Variants in TWF2 observed in about 807,000 individuals in gnomAD.
The protein encoded by TWF2 is twinfilin-2.
In TWF2, 15 loss-of-function variants were observed where a neutral mutation model predicts 45.1. The observed-to-expected ratio is 0.33, with a 90% CI of 0.22 to 0.51. The LOEUF (loss-of-function observed/expected upper bound fraction) is 0.51, where lower values mean the gene tolerates loss of function less well. Ranked by LOEUF, TWF2 falls within the 20% of genes least tolerant of loss-of-function variation. TWF2 has a pLI of 0.97. For missense variants in TWF2, 423 were observed against 469.1 expected, an observed-to-expected ratio of 0.90 and a Z score of 0.91; for synonymous variants, 177 against 195.8, an observed-to-expected ratio of 0.90 and a Z score of 0.80.
intron 6 of TWF2, among the ~76,000 whole-genome samples, chr3:52,230,468 C>T (rs1699667684): frequency 6.6e-6 from 1 of 152,176 alleles, no homozygotes. Flanking sequence ...GCCGGAACAG[C>T]CAGGGCAGAA....
At chr3:52,237,816 A>AGTGGCCACAACCGCACCAGGATTC (rs1699741514) in intron 1 of TWF2, among the ~76,000 whole-genome samples, 2 of 152,226 alleles carry the variant, frequency 1.3e-5, no homozygotes, top group African/African-American at 4.8e-5. Context: ...CCAGCCACCA[A>AGTGGCCACAACCGCACCAGGATTC]GTGGCCACAA....
chr3:52,235,611 CAG>C (rs1256479295), intron 1 of TWF2, among the ~76,000 whole-genome samples: 1 of 152,180 alleles, frequency 6.6e-6, no homozygotes, highest in Non-Finnish European at 1.5e-5. Flanking sequence ...GCATGTGTGA[CAG>C]AGGAGCAGAA....
intron 1 of TWF2, 106 bp from the exon 2 acceptor site, chr3:52,235,212 G>A (rs73088767): frequency 0.064 from 70,158 of 1,102,830 alleles, 2,476 homozygotes; most frequent in Middle Eastern, 0.1. Flanking sequence ...TGGGAACCAG[G>A]TTAAATACAG....
rs748202514 is a variant in TWF2, at chr3:52,238,982, C to T, written c.25+10G>A. 1.3e-6 allele frequency: 2 copies of T among 1,594,170 alleles called. No homozygotes were observed. Among genetic ancestry groups the T allele is most frequent in the East Asian group, 2.2e-5 (1 of 44,716 alleles). On this transcript the variant is annotated intron_variant, in intron 1 of 8. Transcript: ENST00000305533. ...CCGAGGCCCCCTGCCCGCCCGCCAT[C>T]CGCCCTCACCGTGGATGCCCGTTTG...
chr3:52,233,161 T>C (rs1699694978), intron 2 of TWF2, among the ~76,000 whole-genome samples: 1 of 152,250 alleles, frequency 6.6e-6, no homozygotes. Flanking sequence ...AGCCTGGGTA[T>C]ACACAGGTCT....
In TWF2 at chr3:52,229,701, T is replaced by C; in HGVS notation, c.842A>G (p.Asp281Gly). 1 of 1,613,222 alleles carries C rather than the reference T, an allele frequency of 6.2e-7. No homozygotes were observed. ...CAGATGGAAGTCCTGCTCCACGGAG[T>C]CGAGGAGGCGGCTCTTGCAGCTGGA... The part of the protein sequence containing the change: ...LYSSCKSRLL[D>G]SVEQDFHLEI... Residue 281 changes from aspartate (D) to glycine (G), a missense_variant, in exon 8 of 9, where the codon GAC becomes GGC. By Grantham distance (94) the Asp-to-Gly change is moderately conservative (BLOSUM62 -1). Coordinates refer to ENST00000305533, the MANE Select transcript of TWF2 (RefSeq NM_007284.4).
rs1157492396 is a variant in TWF2, at chr3:52,237,829, G to A, written c.25+1163C>T. ...GCCCAGCCACCAAGTGGCCACAACC[G>A]CACCAGGATTCAGGTGGTCAGGCAG... is the stretch of plus-strand genomic sequence containing the variant. On this transcript the variant is annotated intron_variant, in intron 1 of 8. Transcript: ENST00000305533. Among the ~76,000 whole-genome samples the A allele has an allele frequency of 3.9e-5, 6 of 152,340 alleles. No individual in the cohort carries two copies. In the East Asian group the frequency reaches 1.2e-3, roughly 29 times the overall value.
chr3:52,228,797 A>G lies in TWF2; in HGVS notation c.*237T>C, dbSNP rs1699649506. On this transcript the variant is annotated 3_prime_UTR_variant, in exon 9 of 9. Coordinates refer to ENST00000305533, the MANE Select transcript of TWF2 (RefSeq NM_007284.4). ...CCAGGCCCCTGACCCAGCCCCCTTA[A>G]GCCAGCCAGGCAGGGTCCCCGGACA... 2 of 618,038 alleles carry G rather than the reference A, an allele frequency of 3.2e-6. No homozygotes were observed. The highest frequency in any genetic ancestry group is 3.7e-5 in the African/African-American group (2 of 53,532). 38.3% of individuals were successfully genotyped at this position (618,038 alleles called of 1,614,324 possible). A position where few individuals can be genotyped will look rare whatever the true frequency, so the allele number is the denominator to read the frequency against.
In TWF2 at chr3:52,231,982, C is replaced by T. The variant is rs1039366922; in HGVS notation, c.244G>A (p.Glu82Lys). 3.1e-6 allele frequency: 5 copies of T among 1,613,874 alleles called. No homozygotes were observed. Among genetic ancestry groups the T allele is most frequent in the African/African-American group, 2.7e-5 (2 of 74,914 alleles). ...RLDSQNAQGFEWLFLAWSPDN... is the reference protein window; with the variant it reads ...RLDSQNAQGFKWLFLAWSPDN... Reference sequence around the variant, plus strand: ...GGCGACCAGGCGAGGAAGAGCCATTCGAAGCCCTGAGCATTCTGTGAGTCG... The same window carrying T: ...GGCGACCAGGCGAGGAAGAGCCATTTGAAGCCCTGAGCATTCTGTGAGTCG... The change falls in exon 3 of 9, where the codon GAA becomes AAA. Residue 82 changes from glutamate (E) to lysine (K), a missense_variant. Physicochemically the swap from Glu to Lys is moderately conservative, Grantham distance 56. Transcript: ENST00000305533.
chr3:52,229,678 G>C lies in TWF2; in HGVS notation c.865C>G (p.Leu289Val). 6.2e-7 allele frequency: 1 copy of C among 1,613,498 alleles called. No individual in the cohort carries two copies. The highest frequency in any genetic ancestry group is 8.5e-7 in the Non-Finnish European group (1 of 1,180,012). ...LLDSVEQDFH[L>V]EIAKKIEIGD... The stretch of plus-strand genomic sequence containing the variant: ...GCGCCTACTTTCTTGGCGATCTCCA[G>C]ATGGAAGTCCTGCTCCACGGAGTCG... Residue 289 changes from leucine (L) to valine (V), a missense_variant, in exon 8 of 9, where the codon CTG becomes GTG. Coordinates refer to ENST00000305533, the MANE Select transcript of TWF2 (RefSeq NM_007284.4).
At position 52,232,197 on chromosome 3, in the gene TWF2, G is replaced by A. The variant is rs9863874; in HGVS notation, c.104-75C>T. 8.3e-4 allele frequency: 1,196 copies of A among 1,437,208 alleles called. 12 individuals carry two copies. In the African/African-American group the frequency reaches 0.015, roughly 18 times the overall value. The allele number at this position is 1,437,208 out of a possible 1,614,324, so 89.0% of individuals were successfully genotyped here. A position where few individuals can be genotyped will look rare whatever the true frequency, so the allele number is the denominator to read the frequency against. ...CCCGCTGCAGACCTCCAGCCTCGCC[G>A]TGGCTGCCCAGCTGGCTCAGAGCCG... is the stretch of plus-strand genomic sequence containing the variant. On this transcript the variant is annotated intron_variant, in intron 2 of 8. Coordinates refer to ENST00000305533, the MANE Select transcript of TWF2 (RefSeq NM_007284.4).
At chr3:52,234,879 G>T in intron 2 of TWF2, 150 bp downstream of exon 2, 1 of 808,848 alleles carries the variant, frequency 1.2e-6, no homozygotes, top group Non-Finnish European at 2.0e-6. Context: ...GCCCTGTGAG[G>T]CTCTCCTTTG....
chr3:52,230,008 C>G lies in TWF2; in HGVS notation c.672G>C (p.Gln224His). ...LVHTEPTDVAQLPSRVPRDAA... is the reference protein window; with the variant it reads ...LVHTEPTDVAHLPSRVPRDAA... ...CATCTCGGGGCACCCGGGAGGGCAGCTGGGCCACATCCGTGGGCTCTGTGT... is the reference window on the plus strand; with the variant it reads ...CATCTCGGGGCACCCGGGAGGGCAGGTGGGCCACATCCGTGGGCTCTGTGT... Residue 224 changes from glutamine to histidine, a missense_variant, in exon 7 of 9, where the codon CAG becomes CAC. Transcript: ENST00000305533. 4 of 1,611,944 alleles carry G rather than the reference C, an allele frequency of 2.5e-6. No homozygotes were observed. The highest frequency in any genetic ancestry group is 1.3e-5 in the African/African-American group (1 of 75,070).
chr3:52,232,372 A>C, intron 2 of TWF2: 1 of 553,746 alleles, frequency 1.8e-6, no homozygotes, highest in South Asian at 2.2e-5. Context: ...CCCCACACAC[A>C]CACACGTGCG....
Position 52,229,046 on chromosome 3 carries a change from C to T in TWF2, c.1038G>A (p.Gly346=), listed in dbSNP as rs763516605. Residue 346 remains glycine (G), a synonymous_variant, in exon 9 of 9, where the codon GGG becomes GGA. Coordinates refer to ENST00000305533, the MANE Select transcript of TWF2 (RefSeq NM_007284.4). ...CTGCTCCAGCCTCCTAGCTGTCATC[C>T]CCATTTTCACCCGGGCCGCGGATGA... is the stretch of plus-strand genomic sequence containing the variant. ...KRLIRGPGEN[G]DDS is the part of the protein sequence containing the mutation. The T allele has an allele frequency of 1.5e-5, 24 of 1,611,718 alleles. No individual in the cohort carries two copies. Among genetic ancestry groups the T allele is most frequent in the Non-Finnish European group, 1.9e-5 (22 of 1,179,880 alleles).
intron 2 of TWF2, among the ~76,000 whole-genome samples, chr3:52,232,883 G>T (rs1334774096): frequency 6.6e-6 from 1 of 152,208 alleles, no homozygotes; most frequent in African/African-American, 2.4e-5. Context: ...GGGTGTAGTG[G>T]CCTGTAATCC....
rs553012740 is a variant in TWF2 at position 52,239,086 on chromosome 3, G to A, written c.-70C>T. ...GACCCTGGCCCGGCAACGCTCGCTG[G>A]ACCAAGAGAGGTGGAGGATGTGGCG... On this transcript the variant is annotated 5_prime_UTR_variant, in exon 1 of 9. Coordinates refer to ENST00000305533, the MANE Select transcript of TWF2 (RefSeq NM_007284.4). 1,516 of 1,541,224 alleles carry A rather than the reference G, an allele frequency of 9.8e-4. 30 individuals are homozygous for A. In the South Asian group the frequency reaches 0.015, roughly 15 times the overall value.
chr3:52,229,489 C>T (rs756396252), intron 8 of TWF2, among the ~76,000 whole-genome samples, 172 bp downstream of exon 8: 3 of 152,330 alleles, frequency 2.0e-5, no homozygotes, highest in Non-Finnish European at 2.9e-5. Flanking sequence ...TCTGAGCCAC[C>T]GATCAGCTGG....
chr3:52,232,306 CA>C, intron 2 of TWF2, 184 bp from the exon 3 acceptor site: 1 of 753,596 alleles, frequency 1.3e-6, no homozygotes, highest in Non-Finnish European at 2.1e-6. Flanking sequence ...AGGGAAGGCA[CA>C]AAGCTGCCAC....
Sources: allele counts gnomAD v4.1 joint callset (sites outside exome capture counted in the v4.1 genomes callset), GRCh38; gene constraint gnomAD v4.1.1; transcripts MANE v1.5; gene names NCBI Gene and HGNC (gene_info 2026-07-23, HGNC 2026-07-21).